RBFOX1: variants seen among roughly 807,000 people sequenced by gnomAD.
RBFOX1 encodes the protein RNA binding fox-1 homolog 1, also known as RNA binding protein fox-1 homolog 1.
RBFOX1 carries 8 observed loss-of-function variants against 57.7 expected under a neutral mutation model. The observed-to-expected ratio is 0.14, with a 90% CI of 0.08 to 0.25. The LOEUF (loss-of-function observed/expected upper bound fraction) is 0.25. RBFOX1 is among the 10% of genes least tolerant of loss of function. The pLI, the probability that RBFOX1 is intolerant of heterozygous loss-of-function variation, is 1.00. For missense variants in RBFOX1, 611 were observed against 548.5 expected (o/e 1.11, Z -1.14); for synonymous variants, 326 against 222.4 (o/e 1.47, Z -4.15).
intron 14 of RBFOX1, among the ~76,000 whole-genome samples, chr16:7,684,198 G>C (rs372865241): frequency 2.4e-4 from 37 of 152,176 alleles, no homozygotes; most frequent in South Asian, 1.4e-3. Flanking sequence ...CATGTAAGCA[G>C]TCACCAGACA....
intron 3 of RBFOX1, among the ~76,000 whole-genome samples, chr16:6,682,184 G>C (rs1365641578): frequency 6.6e-6 from 1 of 152,138 alleles, no homozygotes; most frequent in Non-Finnish European, 1.5e-5. Context: ...TGTGCCCAAG[G>C]ATTAGGGCAA....
intron 3 of RBFOX1, among the ~76,000 whole-genome samples, chr16:6,750,485 C>G (rs536872828): frequency 6.6e-6 from 1 of 152,168 alleles, no homozygotes; most frequent in Non-Finnish European, 1.5e-5. Flanking sequence ...TTTAATATTT[C>G]TTGACATATG....
At chr16:7,542,423 A>G (rs1418306740) in intron 5 of RBFOX1, among the ~76,000 whole-genome samples, 1 of 152,096 alleles carries the variant, frequency 6.6e-6, no homozygotes, top group African/African-American at 2.4e-5. Context: ...CAGTTGATTT[A>G]CCCAAACGGG....
At chr16:7,063,704 G>T (rs1214655868) in intron 4 of RBFOX1, among the ~76,000 whole-genome samples, 1 of 151,974 alleles carries the variant, frequency 6.6e-6, no homozygotes, top group Non-Finnish European at 1.5e-5. Flanking sequence ...ATATTTAGGG[G>T]GAAAAAAAAC....
intron 4 of RBFOX1, among the ~76,000 whole-genome samples, chr16:7,283,822 C>G (rs2095596369): frequency 6.6e-6 from 1 of 152,174 alleles, no homozygotes; most frequent in Admixed American, 6.5e-5. Context: ...AAAATGTACT[C>G]ATTTTAGCAC....
chr16:6,189,295 C>T (rs1732406264), intron 1 of RBFOX1, among the ~76,000 whole-genome samples: 1 of 152,198 alleles, frequency 6.6e-6, no homozygotes, highest in Admixed American at 6.5e-5. Context: ...GAAAGGGGGC[C>T]CTGGAGTCCG....
At chr16:6,406,786 G>T (rs1468801097) in intron 2 of RBFOX1, among the ~76,000 whole-genome samples, 1 of 152,068 alleles carries the variant, frequency 6.6e-6, no homozygotes, top group South Asian at 2.1e-4. Flanking sequence ...AGGCTACCTG[G>T]GGTCAGGATC....
intron 11 of RBFOX1, among the ~76,000 whole-genome samples, chr16:7,633,654 G>T (rs918290758): frequency 6.6e-6 from 1 of 152,014 alleles, no homozygotes; most frequent in Non-Finnish European, 1.5e-5. Flanking sequence ...CTTAAGCAAG[G>T]GCATTCAGAT....
chr16:6,677,842 C>T (rs2058006398), intron 3 of RBFOX1, among the ~76,000 whole-genome samples: 1 of 152,000 alleles, frequency 6.6e-6, no homozygotes, highest in African/African-American at 2.4e-5. Context: ...TGACTTTTAC[C>T]CCATAAAATT....
chr16:7,431,202 A>G (rs909090852), intron 4 of RBFOX1: 12 of 151,984 alleles, frequency 7.9e-5, no homozygotes, highest in African/African-American at 2.9e-4. Context: ...AAGGGATCCT[A>G]TTTTTTACAT....
intron 3 of RBFOX1, among the ~76,000 whole-genome samples, chr16:6,961,177 GAAAA>G (rs2082929473): frequency 2.0e-5 from 1 of 48,950 alleles, no homozygotes; most frequent in Non-Finnish European, 4.8e-5. Flanking sequence ...AAGAAAGAAA[GAAAA>G]AAGAAAAGAA....
At chr16:5,897,486 A>G (rs542586602) in intron 4 of RBFOX1, among the ~76,000 whole-genome samples, 2 of 152,262 alleles carry the variant, frequency 1.3e-5, no homozygotes, top group East Asian at 1.9e-4. Flanking sequence ...AGTAGGATCA[A>G]TGTTATTCTC....
chr16:7,017,580 T>A (rs2093979112), intron 3 of RBFOX1, among the ~76,000 whole-genome samples: 1 of 152,146 alleles, frequency 6.6e-6, no homozygotes, highest in Non-Finnish European at 1.5e-5. Flanking sequence ...GACTGCAAAT[T>A]GTTGTTTTCA....
chr16:6,866,876 A>T (rs905820729), intron 3 of RBFOX1, among the ~76,000 whole-genome samples: 1 of 152,034 alleles, frequency 6.6e-6, no homozygotes, highest in Non-Finnish European at 1.5e-5. Flanking sequence ...TAACTTTTGC[A>T]TGTGTATTAC....
chr16:5,979,118 C>T (rs961464914), intron 4 of RBFOX1, among the ~76,000 whole-genome samples: 2 of 152,158 alleles, frequency 1.3e-5, no homozygotes, highest in African/African-American at 4.8e-5. Flanking sequence ...TCTTTTGGGG[C>T]AGAAATGATT....
chr16:7,155,815 A>C lies in RBFOX1; in HGVS notation c.27+103717A>C, dbSNP rs190165669. ...CATTCAGCTATTCTAATATTTGTAT[A>C]TGTAAATGTGCTCTATATAATACCT... On this transcript the variant is annotated intron_variant, in intron 4 of 15. Coordinates refer to ENST00000550418, the MANE Select transcript of RBFOX1 (RefSeq NM_018723.4). Among the ~76,000 whole-genome samples the C allele has an allele frequency of 9.3e-5, 14 of 150,508 alleles. No individual in the cohort carries two copies. The East Asian group carries it at 2.7e-3, about 29-fold the overall frequency.
At chr16:6,324,376 G>T (rs1299923987) in intron 2 of RBFOX1, among the ~76,000 whole-genome samples, 1 of 152,148 alleles carries the variant, frequency 6.6e-6, no homozygotes, top group African/African-American at 2.4e-5. Flanking sequence ...ATAAAGAAAA[G>T]ATATTTAATT....
chr16:5,686,588 T>C (rs2151448241), intron 3 of RBFOX1, among the ~76,000 whole-genome samples: 1 of 152,152 alleles, frequency 6.6e-6, no homozygotes, highest in East Asian at 1.9e-4. Context: ...CACTAAGATA[T>C]TTGGTCTGGT....
chr16:6,260,841 A>T (rs1159860348), intron 1 of RBFOX1, among the ~76,000 whole-genome samples: 1 of 152,066 alleles, frequency 6.6e-6, no homozygotes, highest in East Asian at 1.9e-4. Context: ...AGATTGTATG[A>T]CTTCCTTCCA....
Sources: allele counts gnomAD v4.1 joint callset (sites outside exome capture counted in the v4.1 genomes callset), GRCh38; gene constraint gnomAD v4.1.1; transcripts MANE v1.5; gene names NCBI Gene and HGNC (gene_info 2026-07-23, HGNC 2026-07-21).